The following DNAJC11 variants were observed in gnomAD, a reference collection of about 807,000 sequenced individuals.
The protein encoded by DNAJC11 is dnaJ homolog subfamily C member 11.
DNAJC11 carries 15 observed loss-of-function variants against 78.6 expected under a neutral mutation model. The ratio of observed to expected loss-of-function variants is 0.19; its 90% CI spans 0.13 to 0.29. The LOEUF (loss-of-function observed/expected upper bound fraction) is 0.29. Among genes scored for constraint, DNAJC11 ranks in the 10% least tolerant of loss-of-function variants. The pLI, the probability that DNAJC11 is intolerant of heterozygous loss-of-function variation, is 1.00. For synonymous variants in DNAJC11, 292 were observed against 272.1 expected (o/e 1.07, Z -0.72); for missense variants, 547 against 709.6 (o/e 0.77, Z 2.60).
At position 6,637,439 on chromosome 1, in the gene DNAJC11, G is replaced by T. The variant is rs200102617; in HGVS notation, c.1381+8C>A. On this transcript the variant is annotated splice_region_variant and intron_variant, in intron 13 of 15. Coordinates refer to ENST00000377577, the MANE Select transcript of DNAJC11 (RefSeq NM_018198.4). Reference sequence around the variant, plus strand: ...CACCCTGGACCAAGAGAGGACACATGTTCTCACCCATTCTGGACTCTTCTG... The same window carrying T: ...CACCCTGGACCAAGAGAGGACACATTTTCTCACCCATTCTGGACTCTTCTG... 92 of 1,614,236 alleles carry T rather than the reference G, an allele frequency of 5.7e-5. No individual in the cohort carries two copies. The East Asian group carries it at 2.0e-3, about 36-fold the overall frequency.
chr1:6,697,948 G>A (rs1222393601), intron 1 of DNAJC11, among the ~76,000 whole-genome samples: 3 of 151,882 alleles, frequency 2.0e-5, no homozygotes, highest in African/African-American at 7.3e-5. Flanking sequence ...CCGCCACCAC[G>A]CCCGGCTAAT....
Position 6,653,096 on chromosome 1 carries a change from C to T in DNAJC11, c.508-145G>A. On this transcript the variant is annotated intron_variant, in intron 5 of 15. Transcript: ENST00000377577. This position sits in a 1 kb window ranked among gnomAD's most constrained non-coding sequence, Gnocchi z 4.5. Reference sequence around the variant, plus strand: ...AGCACACATGGATGCAGAACTGCCGCAACAGCTTCACTTTTCTTCCGCTTT... The same window carrying T: ...AGCACACATGGATGCAGAACTGCCGTAACAGCTTCACTTTTCTTCCGCTTT... 1 of 916,354 alleles carries T rather than the reference C, an allele frequency of 1.1e-6. No homozygotes were observed. The highest frequency in any genetic ancestry group is 1.6e-5 in the South Asian group (1 of 61,910). The allele number at this position is 916,354 out of a possible 1,614,324, so 56.8% of individuals were successfully genotyped here.
chr1:6,641,709 G>A (rs1408960718), intron 10 of DNAJC11, among the ~76,000 whole-genome samples: 1 of 152,080 alleles, frequency 6.6e-6, no homozygotes, highest in Non-Finnish European at 1.5e-5. Flanking sequence ...AGGAGAGATG[G>A]CTGACGCCAG....
intron 6 of DNAJC11, among the ~76,000 whole-genome samples, chr1:6,652,521 C>T (rs1345302993): frequency 1.3e-5 from 2 of 152,148 alleles, no homozygotes; most frequent in East Asian, 1.9e-4. Flanking sequence ...ACCTCTGCCT[C>T]CTGGGTTCAT....
chr1:6,644,175 C>T (rs1242217958), intron 10 of DNAJC11, among the ~76,000 whole-genome samples: 1 of 152,130 alleles, frequency 6.6e-6, no homozygotes, highest in Admixed American at 6.5e-5. Context: ...GTCCTCCAGG[C>T]TGGAGTGCAG....
In DNAJC11 at chr1:6,700,467, A is replaced by C. The variant is rs138313517; in HGVS notation, c.72+1262T>G. ...TTGTAGTCCAAGGACTGGTAAGGTA[A>C]GGTGACAGACTAGCATGGAGCTCAC... On this transcript the variant is annotated intron_variant, in intron 1 of 15. Coordinates refer to ENST00000377577, the MANE Select transcript of DNAJC11 (RefSeq NM_018198.4). Among the ~76,000 whole-genome samples, 50 of 152,336 alleles carry C rather than the reference A, an allele frequency of 3.3e-4. 1 individual carries two copies. The highest frequency in any genetic ancestry group is 9.9e-4 in the African/African-American group (41 of 41,572).
rs1642807195 is a variant in DNAJC11, at chr1:6,694,809, C to CAGAA, written c.72+6919_72+6920insTTCT. ...TGAAACCCCGTCTCTACTAAAAATA[C>CAGAA]AAAAAAAAAAAAAAAATTATCCAGG... is the stretch of plus-strand genomic sequence containing the variant. On this transcript the variant is annotated intron_variant, in intron 1 of 15. Transcript: ENST00000377577. 2.6e-5 allele frequency among the ~76,000 whole-genome samples: 3 copies of CAGAA among 114,118 alleles called. No individual in the cohort carries two copies. In the South Asian group the frequency reaches 8.2e-4, roughly 31 times the overall value. The allele number at this position is 114,118 out of a possible 152,430, so 74.9% of individuals were successfully genotyped here.
At chr1:6,673,198 A>G (rs973502219) in intron 3 of DNAJC11, among the ~76,000 whole-genome samples, 1 of 148,346 alleles carries the variant, frequency 6.7e-6, no homozygotes, top group Non-Finnish European at 1.5e-5. Context: ...TCCATCTCAA[A>G]AAAAAAAAAA....
intron 9 of DNAJC11, 82 bp from the exon 10 acceptor site, chr1:6,644,756 AC>A (rs1279489064): frequency 3.1e-5 from 38 of 1,238,958 alleles, no homozygotes; most frequent in Non-Finnish European, 4.4e-5. Context: ...GAGGCCAGGT[AC>A]CTTCCCTTCC....
At chr1:6,699,756 A>T (rs2019784) in intron 1 of DNAJC11, among the ~76,000 whole-genome samples, 41,297 of 138,628 alleles carry the variant, frequency 0.3, 6,242 homozygotes, top group South Asian at 0.47. Context: ...AGTATAATTT[A>T]AAAAAAAAAG....
rs1480804776 is a variant in DNAJC11, at chr1:6,645,490, T to A, written c.894+299A>T. 6.6e-6 allele frequency among the ~76,000 whole-genome samples: 1 copy of A among 152,242 alleles called. No individual in the cohort carries two copies. The highest frequency in any genetic ancestry group is 2.4e-5 in the African/African-American group (1 of 41,476). On this transcript the variant is annotated intron_variant, in intron 8 of 15. Coordinates refer to ENST00000377577, the MANE Select transcript of DNAJC11 (RefSeq NM_018198.4). The surrounding 1 kb of genome is among the most constrained non-coding windows in gnomAD (Gnocchi z 4.1). The stretch of plus-strand genomic sequence containing the variant: ...GGCGTCCGAGGGCATGATTCTGCTA[T>A]GGGGCTTCATCTGCCCGCCCCCAAT...
At chr1:6,676,448 G>A (rs572107871) in intron 3 of DNAJC11, among the ~76,000 whole-genome samples, 3 of 152,266 alleles carry the variant, frequency 2.0e-5, no homozygotes, top group Admixed American at 6.5e-5. Context: ...GGGAGGCTGA[G>A]GGGGGAGGGT....
At chr1:6,650,552 C>G (rs1642038810) in intron 7 of DNAJC11, among the ~76,000 whole-genome samples, 2 of 151,924 alleles carry the variant, frequency 1.3e-5, no homozygotes. Context: ...GGCAACAGAA[C>G]AAAACCTCGT....
At chr1:6,659,161 A>G (rs1282856238) in intron 4 of DNAJC11, among the ~76,000 whole-genome samples, 2 of 152,166 alleles carry the variant, frequency 1.3e-5, no homozygotes, top group African/African-American at 4.8e-5. Context: ...ACTTGTTGCT[A>G]TTGGTTCTTG....
Position 6,637,490 on chromosome 1 carries a change from C to T in DNAJC11, c.1338G>A (p.Gln446=). The T allele has an allele frequency of 6.2e-7, 1 of 1,614,232 alleles. No individual in the cohort carries two copies. The highest frequency in any genetic ancestry group is 8.5e-7 in the Non-Finnish European group (1 of 1,180,042). ...QEAESAVRLM[Q]ESVRRIIEAE... ...CCTCAATTATCCTTCGGACAGATTC[C>T]TGCATCAGCCGGACCTGCCAGAGAA... The change falls in exon 13 of 16, where the codon CAG becomes CAA. Residue 446 remains glutamine (Q), a synonymous_variant. Transcript: ENST00000377577.
At chr1:6,697,276 G>A (rs1459650151) in intron 1 of DNAJC11, among the ~76,000 whole-genome samples, 1 of 152,144 alleles carries the variant, frequency 6.6e-6, no homozygotes, top group Non-Finnish European at 1.5e-5. Flanking sequence ...GAGAACGGGG[G>A]GTCCTTTCCA....
At position 6,651,577 on chromosome 1, in the gene DNAJC11, T is replaced by C. The variant is rs558808295; in HGVS notation, c.656A>G (p.Gln219Arg). The C allele has an allele frequency of 3.1e-6, 5 of 1,614,106 alleles. No individual in the cohort carries two copies. The Admixed American group carries it at 5.0e-5, about 16-fold the overall frequency. ...GELEFGAGDLQGPLFGLKLFR... is the reference protein window; with the variant it reads ...GELEFGAGDLRGPLFGLKLFR... ...CAGCTTGAGACCGAACAAAGGCCCC[T>C]GTAGGTCTCCAGCTCCAAATTCCAA... Residue 219 changes from glutamine (Q) to arginine (R), a missense_variant, in exon 7 of 16, where the codon CAG becomes CGG. Transcript: ENST00000377577.
chr1:6,645,050 C>A lies in DNAJC11; in HGVS notation c.971G>T (p.Gly324Val), dbSNP rs1641944128. 1 of 1,613,982 alleles carries A rather than the reference C, an allele frequency of 6.2e-7. No individual in the cohort carries two copies. Among genetic ancestry groups the A allele is most frequent in the Admixed American group, 1.7e-5 (1 of 59,990 alleles). ...CCAGGCCAGGACTTACTTGAGGGAT[C>A]CTTTCACACGAGTCTGATCGTCATC... ...FQDDDQTRVK[G>V]SLKAGFFGTV... Residue 324 changes from glycine (G) to valine (V), a missense_variant, in exon 9 of 16, where the codon GGA becomes GTA. By Grantham distance (109) the Gly-to-Val change is moderately radical. Transcript: ENST00000377577. This position sits in a 1 kb window ranked among gnomAD's most constrained non-coding sequence, Gnocchi z 4.1.
At chr1:6,641,490 A>T (rs1641877750) in intron 10 of DNAJC11, among the ~76,000 whole-genome samples, 1 of 151,602 alleles carries the variant, frequency 6.6e-6, no homozygotes, top group African/African-American at 2.4e-5. Context: ...GCATAAGAAG[A>T]CTAAAAAAGC....
Sources: allele counts gnomAD v4.1 joint callset (sites outside exome capture counted in the v4.1 genomes callset), GRCh38; gene constraint gnomAD v4.1.1; non-coding constraint Gnocchi (gnomAD v3.1); transcripts MANE v1.5; gene names NCBI Gene and HGNC (gene_info 2026-07-23, HGNC 2026-07-21).